HEATR4: variants seen among roughly 807,000 people sequenced by gnomAD.
HEATR4 encodes the protein HEAT repeat containing 4.
A neutral mutation model predicts 108.8 loss-of-function variants in HEATR4; 95 were observed. That is an observed-to-expected ratio of 0.87 (90% CI 0.74 to 1.04). The LOEUF (loss-of-function observed/expected upper bound fraction) is 1.04. Among genes scored for constraint, HEATR4 ranks in the 50% least tolerant of loss-of-function variants. The probability of loss-of-function intolerance (pLI) is 0.00; values close to 1 mark genes in which losing one functional copy is unlikely to be tolerated. For synonymous variants in HEATR4, 443 were observed against 459.4 expected, an observed-to-expected ratio of 0.96 and a Z score of 0.46; for missense variants, 1,152 against 1,253.8, an observed-to-expected ratio of 0.92 and a Z score of 1.23.
Position 73,478,736 on chromosome 14 carries a change from G to T in HEATR4, c.2951C>A (p.Pro984His), listed in dbSNP as rs1270921984. 6.2e-7 allele frequency: 1 copy of T among 1,613,918 alleles called. No individual in the cohort carries two copies. Among genetic ancestry groups the T allele is most frequent in the Non-Finnish European group, 8.5e-7 (1 of 1,180,006 alleles). Residue 984 changes from proline (P) to histidine (H), a missense_variant, in exon 18 of 18, where the codon CCC becomes CAC. Coordinates refer to ENST00000553558, the MANE Select transcript of HEATR4 (RefSeq NM_001220484.1). ...TGGTCCCACAGCAATCCTTTTCTCG[G>T]GGGAGGTGCGTAGATCTTTGACAAG... ...SSLVKDLRTS[P>H]EKRIAVGPFR...
At chr14:73,615,388 T>TAAAAAAA in the HEATR4 span, among the ~76,000 whole-genome samples, 58 of 62,908 alleles carry the variant, frequency 9.2e-4, no homozygotes, top group African/African-American at 1.3e-3. Flanking sequence ...CTCTGTCTGA[T>TAAAAAAA]AAAAAAAAAA....
chr14:73,590,294 CGA>C, the HEATR4 span, among the ~76,000 whole-genome samples: 1 of 152,096 alleles, frequency 6.6e-6, no homozygotes, highest in African/African-American at 2.4e-5. Flanking sequence ...TACAGAGTGC[CGA>C]TTGGTGTATT....
the HEATR4 span, among the ~76,000 whole-genome samples, chr14:73,630,512 T>A: frequency 6.6e-6 from 1 of 152,212 alleles, no homozygotes. Flanking sequence ...GCTCCCCCAA[T>A]AAAATGCTAC....
At chr14:73,611,923 G>A in the HEATR4 span, among the ~76,000 whole-genome samples, 2 of 152,028 alleles carry the variant, frequency 1.3e-5, no homozygotes, top group African/African-American at 4.8e-5. Flanking sequence ...ACAATCACCT[G>A]GGATGCTTTT....
At chr14:73,517,777 A>G (rs537540704) in intron 5 of HEATR4, among the ~76,000 whole-genome samples, 1 of 144,076 alleles carries the variant, frequency 6.9e-6, no homozygotes, top group East Asian at 1.9e-4. Flanking sequence ...GAAGGAAAAA[A>G]AGGAAGGGAG....
At chr14:73,551,809 T>TAAA (rs1291975751) in intron 1 of HEATR4, among the ~76,000 whole-genome samples, 1 of 80,556 alleles carries the variant, frequency 1.2e-5, no homozygotes, top group Admixed American at 1.5e-4. Context: ...ATCTCCGTCT[T>TAAA]AAAAAAAAAA....
At chr14:73,506,411 T>G in intron 10 of HEATR4, 56 bp downstream of exon 10, 1 of 1,292,644 alleles carries the variant, frequency 7.7e-7, no homozygotes, top group South Asian at 1.2e-5. Context: ...GTAGAAGGCC[T>G]CTGTAGCTCA....
chr14:73,623,548 A>T, the HEATR4 span, among the ~76,000 whole-genome samples: 1 of 152,090 alleles, frequency 6.6e-6, no homozygotes, highest in Admixed American at 6.5e-5. Context: ...TTAACCAGGT[A>T]TGGTAATGAG....
chr14:73,526,668 C>T (rs1888358206), intron 2 of HEATR4, among the ~76,000 whole-genome samples: 2 of 152,230 alleles, frequency 1.3e-5, no homozygotes, highest in Admixed American at 1.3e-4. Context: ...TCCTAAGCTA[C>T]ATTTCCAGAC....
chr14:73,569,208 T>C, the HEATR4 span: 1 of 1,609,308 alleles, frequency 6.2e-7, no homozygotes, highest in South Asian at 1.1e-5. Context: ...TCTGCCCTAG[T>C]GGGCGCTTAG....
the HEATR4 span, among the ~76,000 whole-genome samples, chr14:73,633,411 G>A: frequency 2.0e-5 from 3 of 152,148 alleles, no homozygotes; most frequent in Non-Finnish European, 4.4e-5. Flanking sequence ...CATTCAAGTT[G>A]GGGAAGTGTC....
At chr14:73,502,293 T>C (rs1405002918) in intron 11 of HEATR4, among the ~76,000 whole-genome samples, 2 of 152,064 alleles carry the variant, frequency 1.3e-5, no homozygotes, top group African/African-American at 2.4e-5. Context: ...GTATATGCCA[T>C]TTGTTCTAGT....
chr14:73,597,395 A>C, the HEATR4 span, among the ~76,000 whole-genome samples: 3 of 150,254 alleles, frequency 2.0e-5, no homozygotes, highest in Non-Finnish European at 4.4e-5. Context: ...TTATTTATTT[A>C]TTTATTTGAG....
Position 73,522,458 on chromosome 14 carries a change from T to G in HEATR4, c.695A>C (p.Lys232Thr), listed in dbSNP as rs1888033318. The G allele has an allele frequency of 6.2e-7, 1 of 1,614,090 alleles. No individual in the cohort carries two copies. Among genetic ancestry groups the G allele is most frequent in the Non-Finnish European group, 8.5e-7 (1 of 1,180,040 alleles). ...CTGCTGGCGCAGGAAGCTCTGCCAC[T>G]TGTTGGGGGATGCCCCAGGCCTTCG... The part of the protein sequence containing the change: ...RPRRPGASPN[K>T]WQSFLRQQYD... Residue 232 changes from lysine to threonine, a missense_variant, in exon 3 of 18, where the codon AAG becomes ACG. Physicochemically the swap from Lys to Thr is moderately conservative, Grantham distance 78. Transcript: ENST00000553558.
intron 2 of HEATR4, among the ~76,000 whole-genome samples, chr14:73,525,032 G>C (rs1888243153): frequency 6.6e-6 from 1 of 151,572 alleles, no homozygotes; most frequent in African/African-American, 2.4e-5. Flanking sequence ...TTTTTCTTTT[G>C]TTTTGTTTTT....
At chr14:73,618,152 A>C in the HEATR4 span, among the ~76,000 whole-genome samples, 1 of 152,120 alleles carries the variant, frequency 6.6e-6, no homozygotes, top group Non-Finnish European at 1.5e-5. Context: ...TCAAAAAAAA[A>C]CCCAACAACA....
chr14:73,501,455 A>G (rs1453009180), intron 11 of HEATR4, among the ~76,000 whole-genome samples: 2 of 144,930 alleles, frequency 1.4e-5, no homozygotes, highest in African/African-American at 5.2e-5. Flanking sequence ...GGGTCTTGCT[A>G]TGTTGCCCAG....
Position 73,508,285 on chromosome 14 carries a change from A to G in HEATR4, c.1730T>C (p.Val577Ala). Residue 577 changes from valine to alanine, a missense_variant, in exon 9 of 18, where the codon GTG (valine) becomes GCG (alanine). Coordinates refer to ENST00000553558, the MANE Select transcript of HEATR4 (RefSeq NM_001220484.1). ...GCACTGAGCTGCAGCCCAGCTATCC[A>G]CACTGTTACCTGCCACAGTTGGGTG... ...MQTALLKGNS[V>A]DSWAAAQCLA... The G allele has an allele frequency of 6.2e-7, 1 of 1,613,706 alleles. No homozygotes were observed. Among genetic ancestry groups the G allele is most frequent in the Non-Finnish European group, 8.5e-7 (1 of 1,179,950 alleles).
chr14:73,583,243 A>G, the HEATR4 span, among the ~76,000 whole-genome samples: 4 of 151,702 alleles, frequency 2.6e-5, no homozygotes, highest in Non-Finnish European at 4.4e-5. Context: ...TTGGAGGTTG[A>G]GAGGCTGAGG....
Sources: allele counts gnomAD v4.1 joint callset (sites outside exome capture counted in the v4.1 genomes callset), GRCh38; gene constraint gnomAD v4.1.1; transcripts MANE v1.5; gene names NCBI Gene and HGNC (gene_info 2026-07-23, HGNC 2026-07-21).